The following LNX1 variants were observed in gnomAD, a reference collection of about 807,000 sequenced individuals.
The protein encoded by LNX1 is E3 ubiquitin-protein ligase LNX.
A neutral mutation model predicts 68.4 loss-of-function variants in LNX1; 54 were observed. The observed-to-expected ratio is 0.79, with a 90% CI of 0.63 to 0.99. LNX1 has a LOEUF of 0.99. Ranked by LOEUF, LNX1 falls within the 50% of genes least tolerant of loss-of-function variation. The probability of loss-of-function intolerance (pLI) is 0.00; values close to 1 mark genes in which losing one functional copy is unlikely to be tolerated. For missense variants in LNX1, 906 were observed against 926.4 expected (o/e 0.98, Z 0.29); for synonymous variants, 336 against 350.0 (o/e 0.96, Z 0.45).
intron 2 of LNX1, among the ~76,000 whole-genome samples, chr4:53,547,922 A>G (rs1204689577): frequency 6.7e-6 from 1 of 149,756 alleles, no homozygotes; most frequent in Non-Finnish European, 1.5e-5. Flanking sequence ...CCTGACAGGG[A>G]CCTACCAGTT....
At chr4:53,525,247 T>A (rs1280133127) in intron 2 of LNX1, among the ~76,000 whole-genome samples, 1 of 151,524 alleles carries the variant, frequency 6.6e-6, no homozygotes, top group Non-Finnish European at 1.5e-5. Context: ...CTTGGGAGGG[T>A]GAGGAGGGCG....
chr4:53,595,679 G>T (rs1176322617), upstream of LNX1, among the ~76,000 whole-genome samples: 1 of 152,144 alleles, frequency 6.6e-6, no homozygotes, highest in African/African-American at 2.4e-5. Context: ...TGGGCTTTTT[G>T]ATTAGTTTGA....
intron 6 of LNX1, among the ~76,000 whole-genome samples, chr4:53,483,948 G>A (rs1724121056): frequency 6.6e-6 from 1 of 152,166 alleles, no homozygotes; most frequent in South Asian, 2.1e-4. Flanking sequence ...GCATTTGGAG[G>A]TAGGGCCTTT....
At position 53,578,244 on chromosome 4, in the gene LNX1, G is replaced by C. The variant is rs113334420; in HGVS notation, c.-86-4156C>G. ...ATCTCTTCAGGCTCTATTGCAAGTA[G>C]AATCATGTGTTGCTTAATGATGGGG... On this transcript the variant is annotated intron_variant, in intron 1 of 10. Coordinates refer to ENST00000263925, the MANE Select transcript of LNX1 (RefSeq NM_001126328.3). Among the ~76,000 whole-genome samples, 503 of 152,260 alleles carry C rather than the reference G, an allele frequency of 3.3e-3. 5 individuals carry two copies. The highest frequency in any genetic ancestry group is 0.012 in the African/African-American group (482 of 41,530).
At chr4:53,505,365 C>T (rs1446541073) in intron 4 of LNX1, among the ~76,000 whole-genome samples, 2 of 152,068 alleles carry the variant, frequency 1.3e-5, no homozygotes, top group Non-Finnish European at 2.9e-5. Context: ...ATTCTCCCGC[C>T]TCAGCCTCCC....
intron 4 of LNX1, among the ~76,000 whole-genome samples, chr4:53,501,148 G>A (rs1264899508): frequency 6.6e-6 from 1 of 152,076 alleles, no homozygotes; most frequent in Admixed American, 6.5e-5. Context: ...TCAATATTAT[G>A]TCCTTACTCA....
At chr4:53,482,019 G>C (rs1283067947) in intron 6 of LNX1, among the ~76,000 whole-genome samples, 165 bp from the exon 7 acceptor site, 1 of 152,204 alleles carries the variant, frequency 6.6e-6, no homozygotes, top group Non-Finnish European at 1.5e-5. Flanking sequence ...AATTTGCCAA[G>C]AGCATGAGAG....
rs758095654 is a variant in LNX1, at chr4:53,496,394, C to T, written c.979G>A (p.Val327Ile). Residue 327 changes from valine to isoleucine, a missense_variant and splice_region_variant, in exon 6 of 11, where the codon GTC (valine) becomes ATC (isoleucine). Val to Ile is a conservative substitution (Grantham distance 29). Transcript: ENST00000263925. ...RLLPGDIILKVNGMDISNVPH... is the reference protein window; with the variant it reads ...RLLPGDIILKINGMDISNVPH... ...ACATTGCTGATGTCCATCCCGTTGA[C>T]CTGGGGGCAGGTGGAACAATCGTGC... is the stretch of plus-strand genomic sequence containing the variant. 42 of 1,598,266 alleles carry T rather than the reference C, an allele frequency of 2.6e-5. No homozygotes were observed. The highest frequency in any genetic ancestry group is 3.4e-5 in the Admixed American group (2 of 59,522).
chr4:53,636,053 C>T (rs988251646), intron 1 of LNX1, among the ~76,000 whole-genome samples: 24 of 151,762 alleles, frequency 1.6e-4, no homozygotes, highest in African/African-American at 5.6e-4. Flanking sequence ...TGCAGTGCTA[C>T]ATTTACATGA....
At chr4:53,615,010 A>T (rs780651533) in intron 2 of LNX1, among the ~76,000 whole-genome samples, 1 of 152,236 alleles carries the variant, frequency 6.6e-6, no homozygotes, top group Non-Finnish European at 1.5e-5. Context: ...AGAATAAAAT[A>T]TATTTTTCCT....
intron 1 of LNX1, among the ~76,000 whole-genome samples, chr4:53,639,502 A>C (rs1734598142): frequency 6.6e-6 from 1 of 152,218 alleles, no homozygotes; most frequent in Non-Finnish European, 1.5e-5. Context: ...AATATCCCAG[A>C]AAAAATAAGG....
At chr4:53,492,810 G>A (rs1174422202) in intron 6 of LNX1, among the ~76,000 whole-genome samples, 1 of 152,070 alleles carries the variant, frequency 6.6e-6, no homozygotes, top group Non-Finnish European at 1.5e-5. Flanking sequence ...TGGAATGGGA[G>A]GAGCCAAGGG....
intron 1 of LNX1, among the ~76,000 whole-genome samples, chr4:53,626,479 A>G (rs1187298589): frequency 2.6e-5 from 4 of 152,188 alleles, no homozygotes; most frequent in Non-Finnish European, 4.4e-5. Flanking sequence ...TCATTTGTTC[A>G]TTTACCAAGT....
At chr4:53,506,935 T>C (rs1725936158) in intron 4 of LNX1, among the ~76,000 whole-genome samples, 1 of 148,768 alleles carries the variant, frequency 6.7e-6, no homozygotes, top group Non-Finnish European at 1.5e-5. Flanking sequence ...GAAATGCATG[T>C]AAAACACTCA....
At chr4:53,616,416 G>A (rs746537824) in intron 2 of LNX1, 2 of 152,168 alleles carry the variant, frequency 1.3e-5, no homozygotes, top group Non-Finnish European at 2.9e-5. Context: ...GTCAGCATAT[G>A]TTGACCAGAT....
At chr4:53,538,707 A>G (rs779263083) in intron 2 of LNX1, among the ~76,000 whole-genome samples, 1 of 152,222 alleles carries the variant, frequency 6.6e-6, no homozygotes, top group African/African-American at 2.4e-5. Context: ...AGAGCCTTCA[A>G]ACTCACAGGT....
At chr4:53,619,781 C>G (rs1232468262), upstream of LNX1, among the ~76,000 whole-genome samples, 2 of 152,174 alleles carry the variant, frequency 1.3e-5, no homozygotes, top group Non-Finnish European at 2.9e-5. Context: ...TTTCGATGAA[C>G]TGTCAAACTG....
intron 2 of LNX1, among the ~76,000 whole-genome samples, chr4:53,606,060 G>GACAC (rs1733220090): frequency 6.6e-6 from 1 of 151,866 alleles, no homozygotes; most frequent in Non-Finnish European, 1.5e-5. Context: ...AGAGCAAACC[G>GACAC]ACACACAGTT....
intron 2 of LNX1, among the ~76,000 whole-genome samples, chr4:53,609,203 T>C (rs1299503737): frequency 6.6e-6 from 1 of 151,888 alleles, no homozygotes; most frequent in Non-Finnish European, 1.5e-5. Context: ...ATCATCTGTA[T>C]ACAAAACCCC....
Sources: allele counts gnomAD v4.1 joint callset (sites outside exome capture counted in the v4.1 genomes callset), GRCh38; gene constraint gnomAD v4.1.1; transcripts MANE v1.5; gene names NCBI Gene and HGNC (gene_info 2026-07-23, HGNC 2026-07-21).